SLC6A17: variants seen among roughly 807,000 people sequenced by gnomAD.
The protein encoded by SLC6A17 is solute carrier family 6 member 17.
SLC6A17 carries 21 observed loss-of-function variants against 64.5 expected under a neutral mutation model. The ratio of observed to expected loss-of-function variants is 0.33; its 90% CI spans 0.23 to 0.47. The LOEUF (loss-of-function observed/expected upper bound fraction) is 0.47, where lower values mean the gene tolerates loss of function less well. SLC6A17 is among the 20% of genes least tolerant of loss of function. The probability of loss-of-function intolerance (pLI) is 1.00; values close to 1 mark genes in which losing one functional copy is unlikely to be tolerated. For missense variants in SLC6A17, 682 were observed against 963.2 expected (o/e 0.71, Z 3.86); for synonymous variants, 372 against 399.5 (o/e 0.93, Z 0.82).
chr1:110,162,455 G>T (rs1655938758), intron 1 of SLC6A17, among the ~76,000 whole-genome samples: 1 of 152,232 alleles, frequency 6.6e-6, no homozygotes, highest in African/African-American at 2.4e-5. Flanking sequence ...ATCCGGAGAA[G>T]TTAGGGCAAT....
chr1:110,151,896 G>A (rs1655619557), intron 1 of SLC6A17, among the ~76,000 whole-genome samples: 1 of 152,118 alleles, frequency 6.6e-6, no homozygotes, highest in African/African-American at 2.4e-5. Flanking sequence ...GCAGATGGGG[G>A]TGGGTTGGGG....
chr1:110,166,045 G>C (rs1170268522), intron 1 of SLC6A17: 1 of 152,218 alleles, frequency 6.6e-6, no homozygotes, highest in Non-Finnish European at 1.5e-5. Context: ...CGCCCATGTC[G>C]TGCAGACATT....
At chr1:110,157,058 G>T (rs1222431244) in intron 1 of SLC6A17, among the ~76,000 whole-genome samples, 1 of 152,204 alleles carries the variant, frequency 6.6e-6, no homozygotes, top group East Asian at 1.9e-4. Context: ...ACTTTTATTT[G>T]CACATCTGGT....
At chr1:110,167,928 A>G (rs1656111496) in intron 2 of SLC6A17, among the ~76,000 whole-genome samples, 1 of 152,170 alleles carries the variant, frequency 6.6e-6, no homozygotes, top group African/African-American at 2.4e-5. Context: ...GAGCCTGGGC[A>G]CTTAGCCTCC....
intron 11 of SLC6A17, among the ~76,000 whole-genome samples, 168 bp from the exon 12 acceptor site, chr1:110,197,908 C>T (rs556640596): frequency 6.6e-6 from 1 of 152,232 alleles, no homozygotes; most frequent in Non-Finnish European, 1.5e-5. Flanking sequence ...TAGACCCTTT[C>T]ACCAAGGTGA....
intron 6 of SLC6A17, among the ~76,000 whole-genome samples, chr1:110,184,831 G>A (rs975266737): frequency 6.6e-6 from 1 of 152,160 alleles, no homozygotes; most frequent in Admixed American, 6.5e-5. Context: ...GCTGGTATAC[G>A]CATAAAATAT....
Position 110,202,014 on chromosome 1 carries a change from T to G in SLC6A17, c.*3570T>G, listed in dbSNP as rs1039615769. ...GCTCTGCTTTATACAGACCCAAGCA[T>G]ACACACCAGGCCGTCACTTTGGGTT... On this transcript the variant is annotated 3_prime_UTR_variant, in exon 12 of 12. Coordinates refer to ENST00000331565, the MANE Select transcript of SLC6A17 (RefSeq NM_001010898.4). 1 of 152,146 alleles carries G rather than the reference T, an allele frequency of 6.6e-6. No homozygotes were observed. Among genetic ancestry groups the G allele is most frequent in the African/African-American group, 2.4e-5 (1 of 41,402 alleles). 9.4% of individuals were successfully genotyped at this position (152,146 alleles called of 1,614,324 possible). A position where few individuals can be genotyped will look rare whatever the true frequency, so the allele number is the denominator to read the frequency against.
intron 6 of SLC6A17, among the ~76,000 whole-genome samples, chr1:110,186,458 A>G (rs116299751): frequency 1.0e-5 from 1 of 98,208 alleles, no homozygotes; most frequent in East Asian, 2.6e-4. Flanking sequence ...AAAAAAAAAA[A>G]AAGGAAAGAG....
chr1:110,197,308 T>G, intron 10 of SLC6A17, 129 bp from the exon 11 acceptor site: 2 of 1,237,486 alleles, frequency 1.6e-6, no homozygotes, highest in Non-Finnish European at 2.3e-6. Flanking sequence ...GAGCACTGAA[T>G]GTGAAGAATA....
At chr1:110,187,792 T>G (rs2100943526) in intron 6 of SLC6A17, among the ~76,000 whole-genome samples, 1 of 152,366 alleles carries the variant, frequency 6.6e-6, no homozygotes, top group Non-Finnish European at 1.5e-5. Flanking sequence ...TGCCCATTTC[T>G]GGAGCATTCT....
rs1332356388 is a variant in SLC6A17 at position 110,174,011 on chromosome 1, C to T, written c.483C>T (p.Ile161=). The T allele has an allele frequency of 5.0e-6, 8 of 1,614,038 alleles. No individual in the cohort carries two copies. Among genetic ancestry groups the T allele is most frequent in the South Asian group, 2.2e-5 (2 of 91,080 alleles). ...LFVGLYYNVI[I]GWSIFYFFKS... ...TGGGGCTGTATTATAATGTGATCAT[C>T]GGGTGGAGCATCTTCTATTTCTTCA... The change falls in exon 4 of 12, where the codon ATC becomes ATT. Residue 161 remains isoleucine (I), a synonymous_variant. Coordinates refer to ENST00000331565, the MANE Select transcript of SLC6A17 (RefSeq NM_001010898.4).
chr1:110,153,929 CT>C (rs1655681213), intron 1 of SLC6A17, among the ~76,000 whole-genome samples: 1 of 152,202 alleles, frequency 6.6e-6, no homozygotes, highest in African/African-American at 2.4e-5. Flanking sequence ...TTTCCCTCCC[CT>C]GAATGATGTT....
intron 6 of SLC6A17, among the ~76,000 whole-genome samples, chr1:110,178,896 T>G (rs1656440806): frequency 6.6e-6 from 1 of 152,246 alleles, no homozygotes; most frequent in South Asian, 2.1e-4. Context: ...AACATCCAGA[T>G]TATAGCAACC....
rs776523691 is a variant in SLC6A17 at position 110,185,306 on chromosome 1, G to A, written c.865-6666G>A. On this transcript the variant is annotated intron_variant, in intron 6 of 11. Transcript: ENST00000331565. ...GTAAATGTTAGCTATTATTATCCTC[G>A]TCCCTTGTGAAGGTGACACTGTTCT... 5.3e-5 allele frequency among the ~76,000 whole-genome samples: 8 copies of A among 152,220 alleles called. No homozygotes were observed. The South Asian group carries it at 6.2e-4, about 12-fold the overall frequency.
At chr1:110,176,078 G>C (rs1233838986) in intron 5 of SLC6A17, among the ~76,000 whole-genome samples, 1 of 152,154 alleles carries the variant, frequency 6.6e-6, no homozygotes, top group African/African-American at 2.4e-5. Context: ...AACATTTTGT[G>C]AGCATCTCGT....
intron 1 of SLC6A17, among the ~76,000 whole-genome samples, chr1:110,152,406 A>G (rs1655634150): frequency 6.6e-6 from 1 of 152,210 alleles, no homozygotes; most frequent in African/African-American, 2.4e-5. Context: ...GGCCTGAGTC[A>G]CACACAGAGT....
In SLC6A17 at chr1:110,174,825, G is replaced by A. The variant is rs188000169; in HGVS notation, c.618G>A (p.Trp206Ter). The change falls in exon 5 of 12, where the codon TGG (tryptophan) becomes TGA (stop). Residue 206 changes from tryptophan to a stop codon, truncating the protein, a stop_gained. Coordinates refer to ENST00000331565, the MANE Select transcript of SLC6A17 (RefSeq NM_001010898.4). LOFTEE classifies it high-confidence loss of function. ...AGAGCTCAGCCACTACCTACTTCTGGTACCGAGAGGCCTTGGACATCTCTG... is the reference window on the plus strand; with the variant it reads ...AGAGCTCAGCCACTACCTACTTCTGATACCGAGAGGCCTTGGACATCTCTG... ...CEKSSATTYF[W>*]YREALDISDS... The A allele has an allele frequency of 6.2e-7, 1 of 1,614,060 alleles. No homozygotes were observed. Among genetic ancestry groups the A allele is most frequent in the Admixed American group, 1.7e-5 (1 of 60,006 alleles).
intron 11 of SLC6A17, 136 bp from the exon 12 acceptor site, chr1:110,197,940 G>C: frequency 7.0e-7 from 1 of 1,427,080 alleles, no homozygotes; most frequent in Non-Finnish European, 9.3e-7. Context: ...CCCATCCTTG[G>C]CTGTGCCTGG....
Position 110,166,913 on chromosome 1 carries a change from C to A in SLC6A17, c.-17C>A. Reference sequence around the variant, plus strand: ...CTGTGTGCTGGGGAGCAGGGCTACACGGCCCAGGTGGCATCAATGCCGAAG... The same window carrying A: ...CTGTGTGCTGGGGAGCAGGGCTACAAGGCCCAGGTGGCATCAATGCCGAAG... On this transcript the variant is annotated 5_prime_UTR_variant, in exon 2 of 12. Coordinates refer to ENST00000331565, the MANE Select transcript of SLC6A17 (RefSeq NM_001010898.4). 6.3e-7 allele frequency: 1 copy of A among 1,590,104 alleles called. No homozygotes were observed. Among genetic ancestry groups the A allele is most frequent in the Non-Finnish European group, 8.6e-7 (1 of 1,164,500 alleles).
Sources: gnomAD v4.1 joint callset for allele counts (sites outside exome capture counted in the v4.1 genomes callset) on GRCh38, gnomAD v4.1.1 for gene constraint, MANE v1.5 for transcripts, NCBI Gene and HGNC (gene_info 2026-07-23, HGNC 2026-07-21) for gene names.